The following SPATA13 variants were observed in gnomAD, a reference collection of about 807,000 sequenced individuals.
SPATA13 encodes spermatogenesis-associated protein 13.
A neutral mutation model predicts 104.0 loss-of-function variants in SPATA13; 50 were observed. The ratio of observed to expected loss-of-function variants is 0.48; its 90% CI spans 0.38 to 0.61. SPATA13 has a LOEUF of 0.61. Among genes scored for constraint, SPATA13 ranks in the 20% least tolerant of loss-of-function variants. The pLI is 0.00. For missense variants in SPATA13, 1,524 were observed against 1,690.6 expected (o/e 0.90, Z 1.73); for synonymous variants, 606 against 667.5 (o/e 0.91, Z 1.42).
intron 1 of SPATA13, among the ~76,000 whole-genome samples, chr13:24,185,538 A>G (rs1056020628): frequency 1.3e-5 from 2 of 152,180 alleles, no homozygotes; most frequent in East Asian, 3.9e-4. Flanking sequence ...TAAATCCATT[A>G]ATAGCCTTCT....
chr13:24,157,130 G>A (rs1453474703), upstream of SPATA13, among the ~76,000 whole-genome samples: 1 of 152,152 alleles, frequency 6.6e-6, no homozygotes, highest in African/African-American at 2.4e-5. Flanking sequence ...CTGGTCTGTG[G>A]CATCCAGACA....
chr13:24,195,647 A>C (rs541930917), intron 1 of SPATA13, among the ~76,000 whole-genome samples: 1 of 152,272 alleles, frequency 6.6e-6, no homozygotes, highest in Admixed American at 6.5e-5. Context: ...ACTCTTAATT[A>C]TTTAGGCATT....
At chr13:24,287,970 C>G (rs1187489290) in intron 7 of SPATA13, among the ~76,000 whole-genome samples, 1 of 152,176 alleles carries the variant, frequency 6.6e-6, no homozygotes, top group Admixed American at 6.5e-5. Context: ...GAGAACTGCC[C>G]GTTCTCTAAT....
intron 1 of SPATA13, among the ~76,000 whole-genome samples, chr13:24,218,519 A>T (rs1871382754): frequency 6.6e-6 from 1 of 152,136 alleles, no homozygotes; most frequent in African/African-American, 2.4e-5. Flanking sequence ...CATTCTGTGC[A>T]GCTGTGATTT....
intron 3 of SPATA13, among the ~76,000 whole-genome samples, chr13:24,095,541 T>G (rs1222913347): frequency 6.6e-6 from 1 of 152,210 alleles, no homozygotes; most frequent in Non-Finnish European, 1.5e-5. Flanking sequence ...GCCACGGAGC[T>G]ATACGTTTAG....
intron 1 of SPATA13, among the ~76,000 whole-genome samples, chr13:24,176,841 G>A (rs529835558): frequency 3.5e-4 from 53 of 152,220 alleles, no homozygotes; most frequent in African/African-American, 1.3e-3. Flanking sequence ...CAGGCTCACT[G>A]CAACCTCCGC....
chr13:24,061,573 A>G (rs1536204), intron 3 of SPATA13, among the ~76,000 whole-genome samples: 1,987 of 152,282 alleles, frequency 0.013, 82 homozygotes, highest in East Asian at 0.11. Flanking sequence ...TTATAGGGAC[A>G]TGGATGGAGC....
Position 24,161,045 on chromosome 13 carries a change from C to A in SPATA13, c.-112+113C>A. ...GACTGCCTCGGGGCTTCGGGATGTC[C>A]AGCTCCCAGCTGCTTGGCCTCTGCT... is the stretch of plus-strand genomic sequence containing the variant. On this transcript the variant is annotated intron_variant, in intron 1 of 12. Coordinates refer to ENST00000382108, the MANE Select transcript of SPATA13 (RefSeq NM_001166271.3). The surrounding 1 kb of genome is among the most constrained non-coding windows in gnomAD (Gnocchi z 4.5). 1 of 623,008 alleles carries A rather than the reference C, an allele frequency of 1.6e-6. No individual in the cohort carries two copies. Among genetic ancestry groups the A allele is most frequent in the Non-Finnish European group, 2.0e-6 (1 of 498,334 alleles). 38.6% of individuals were successfully genotyped at this position (623,008 alleles called of 1,614,324 possible).
At chr13:24,227,762 G>C (rs1238065427) in intron 2 of SPATA13, among the ~76,000 whole-genome samples, 1 of 152,024 alleles carries the variant, frequency 6.6e-6, no homozygotes, top group Non-Finnish European at 1.5e-5. Context: ...GTAGAGACAG[G>C]GTTTTGCCGT....
chr13:24,167,058 T>G (rs971827492), intron 1 of SPATA13, among the ~76,000 whole-genome samples: 100 of 152,320 alleles, frequency 6.6e-4, no homozygotes, highest in African/African-American at 2.2e-3. Context: ...CCTTCAAATG[T>G]TATGATTGGT....
At position 24,195,345 on chromosome 13, in the gene SPATA13, G is replaced by A. The variant is rs148644232; in HGVS notation, c.-111-27474G>A. 2.8e-3 allele frequency among the ~76,000 whole-genome samples: 432 copies of A among 152,222 alleles called. 1 individual carries two copies. The highest frequency in any genetic ancestry group is 6.8e-3 in the Middle Eastern group (2 of 292). On this transcript the variant is annotated intron_variant, in intron 1 of 12. Transcript: ENST00000382108. ...TGTGGATATCAAATTTTGTTTATCC[G>A]TGCATCGGTTGATGGGTATTTGGTT... is the stretch of plus-strand genomic sequence containing the variant.
intron 3 of SPATA13, among the ~76,000 whole-genome samples, chr13:24,149,811 A>T (rs1011162910): frequency 6.6e-6 from 1 of 152,228 alleles, no homozygotes; most frequent in African/African-American, 2.4e-5. Context: ...CATGACATGC[A>T]AAGAAACTTG....
intron 3 of SPATA13, among the ~76,000 whole-genome samples, chr13:24,043,198 T>A (rs1006651788): frequency 6.6e-6 from 1 of 152,226 alleles, no homozygotes; most frequent in Admixed American, 6.5e-5. Flanking sequence ...TTATCACTCC[T>A]CTCCCTTAGC....
At chr13:24,201,313 G>A (rs1870390653) in intron 1 of SPATA13, among the ~76,000 whole-genome samples, 1 of 151,912 alleles carries the variant, frequency 6.6e-6, no homozygotes, top group African/African-American at 2.4e-5. Context: ...TAGGTTTATA[G>A]AAAAACTACC....
intron 4 of SPATA13, among the ~76,000 whole-genome samples, chr13:24,263,510 C>A (rs1300885722): frequency 2.6e-5 from 4 of 152,194 alleles, no homozygotes; most frequent in Non-Finnish European, 4.4e-5. Context: ...GACTCCAAGG[C>A]TGTGCAAAAG....
chr13:24,223,041 G>T lies in SPATA13; in HGVS notation c.112G>T (p.Asp38Tyr). Residue 38 changes from aspartate to tyrosine, a missense_variant, in exon 2 of 13, where the codon GAC (aspartate) becomes TAC (tyrosine). Physicochemically the swap from Asp to Tyr is radical, Grantham distance 160 (BLOSUM62 -3). This residue lies in a region of SPATA13 where 1,089 missense variants were observed against 1,135.9 expected (regional missense o/e 0.96). Transcript: ENST00000382108. The part of the protein sequence containing the change: ...AAPCAGSDLK[D>Y]AKMVTSLACG... ...CCCCTGTGCAGGCTCGGACCTGAAA[G>T]ACGCCAAGATGGTGACCTCCCTTGC... is the stretch of plus-strand genomic sequence containing the variant. 1.9e-6 allele frequency: 3 copies of T among 1,551,714 alleles called. No homozygotes were observed. Among genetic ancestry groups the T allele is most frequent in the Non-Finnish European group, 2.6e-6 (3 of 1,146,984 alleles).
At chr13:24,022,652 T>G (rs1438383657) in intron 3 of SPATA13, among the ~76,000 whole-genome samples, 1 of 152,146 alleles carries the variant, frequency 6.6e-6, no homozygotes, top group African/African-American at 2.4e-5. Context: ...TAAGAATTTT[T>G]TGGGGCTAAA....
At chr13:24,256,250 A>C (rs1873784277) in intron 4 of SPATA13, among the ~76,000 whole-genome samples, 1 of 152,240 alleles carries the variant, frequency 6.6e-6, no homozygotes, top group Non-Finnish European at 1.5e-5. Context: ...ATATAAAAAT[A>C]GAGCTAGACA....
intron 3 of SPATA13, among the ~76,000 whole-genome samples, chr13:24,069,137 A>AT: frequency 6.6e-6 from 1 of 152,130 alleles, no homozygotes; most frequent in East Asian, 1.9e-4. Context: ...ATTTTAAAAT[A>AT]TTTTTTTCTA....
Sources: allele counts gnomAD v4.1 joint callset (sites outside exome capture counted in the v4.1 genomes callset), GRCh38; gene constraint gnomAD v4.1.1; regional missense constraint gnomAD v4.1.1; non-coding constraint Gnocchi (gnomAD v3.1); transcripts MANE v1.5; gene names NCBI Gene and HGNC (gene_info 2026-07-23, HGNC 2026-07-21).